Variants in ROBO2 observed in about 807,000 individuals in gnomAD.
ROBO2 encodes roundabout guidance receptor 2, also known as roundabout homolog 2.
ROBO2 carries 53 observed loss-of-function variants against 160.8 expected under a neutral mutation model. The ratio of observed to expected loss-of-function variants is 0.33; its 90% CI spans 0.26 to 0.41. ROBO2 has a LOEUF of 0.41. Among genes scored for constraint, ROBO2 ranks in the 10% least tolerant of loss-of-function variants. The pLI, the probability that ROBO2 is intolerant of heterozygous loss-of-function variation, is 1.00. For missense variants in ROBO2, 1,577 were observed against 1,722.4 expected (o/e 0.92, Z 1.49); for synonymous variants, 664 against 611.7 (o/e 1.09, Z -1.26).
chr3:76,114,901 A>G (rs1333434978), intron 2 of ROBO2, among the ~76,000 whole-genome samples: 1 of 152,056 alleles, frequency 6.6e-6, no homozygotes, highest in Non-Finnish European at 1.5e-5. Context: ...CTAAATGCAA[A>G]TTGTCTTGGG....
chr3:76,207,998 G>T (rs916105794), intron 2 of ROBO2, among the ~76,000 whole-genome samples: 10 of 152,138 alleles, frequency 6.6e-5, no homozygotes, highest in African/African-American at 2.4e-4. Flanking sequence ...AGATCTGGTT[G>T]TTTAAAAGTG....
intron 2 of ROBO2, among the ~76,000 whole-genome samples, chr3:77,427,104 G>A (rs924221523): frequency 1.3e-5 from 2 of 152,098 alleles, no homozygotes; most frequent in African/African-American, 2.4e-5. Context: ...TGGAATGTGC[G>A]GAATATGAGC....
chr3:76,824,931 T>A (rs567466513), intron 2 of ROBO2, among the ~76,000 whole-genome samples: 1 of 152,272 alleles, frequency 6.6e-6, no homozygotes, highest in African/African-American at 2.4e-5. Flanking sequence ...AAGCATGAAG[T>A]CACCTGCTGG....
intron 2 of ROBO2, among the ~76,000 whole-genome samples, chr3:76,463,300 AAGAG>A (rs2078184742): frequency 6.6e-6 from 1 of 152,056 alleles, no homozygotes; most frequent in Non-Finnish European, 1.5e-5. Context: ...CTTCCCTAGA[AAGAG>A]AGGTCGATTT....
rs1336791732 is a variant in ROBO2 at position 77,351,963 on chromosome 3, G to T, written c.389-125451G>T. Among the ~76,000 whole-genome samples, 5 of 151,824 alleles carry T rather than the reference G, an allele frequency of 3.3e-5. No individual in the cohort carries two copies. The East Asian group carries it at 9.8e-4, about 30-fold the overall frequency. ...GGACTGTTGTGGAGTGGGGGCAGGG[G>T]GGAGGGTGAGCATTAGGAGATATAC... On this transcript the variant is annotated intron_variant, in intron 2 of 25. Transcript: ENST00000461745.
intron 2 of ROBO2, among the ~76,000 whole-genome samples, chr3:76,146,807 C>T (rs961145462): frequency 6.5e-5 from 8 of 123,448 alleles, no homozygotes; most frequent in Non-Finnish European, 1.2e-4. Flanking sequence ...CCCAAGGTAA[C>T]TCTGTGGTAA....
intron 2 of ROBO2, among the ~76,000 whole-genome samples, chr3:76,696,383 T>C (rs111893000): frequency 0.038 from 1,246 of 32,586 alleles, 24 homozygotes; most frequent in African/African-American, 0.25. Flanking sequence ...ATGGATCTCT[T>C]TTTTTTTTTT....
At chr3:77,065,986 A>G (rs1018124533) in intron 1 of ROBO2, among the ~76,000 whole-genome samples, 3 of 152,112 alleles carry the variant, frequency 2.0e-5, no homozygotes, top group Non-Finnish European at 4.4e-5. Flanking sequence ...AGCCGAAGCT[A>G]TTTCTTACTA....
intron 1 of ROBO2, among the ~76,000 whole-genome samples, chr3:77,047,149 G>A (rs1406070449): frequency 6.6e-6 from 1 of 152,112 alleles, no homozygotes; most frequent in Admixed American, 6.5e-5. Context: ...CAGAAAAATG[G>A]CATGAAGATG....
intron 2 of ROBO2, among the ~76,000 whole-genome samples, chr3:77,000,402 C>T (rs531496278): frequency 1.2e-3 from 181 of 152,270 alleles, no homozygotes; most frequent in Non-Finnish European, 1.7e-3. Context: ...AGTCTGGATG[C>T]TTCTCCCTCA....
At chr3:76,391,502 C>T (rs12497629) in intron 2 of ROBO2, among the ~76,000 whole-genome samples, 10,811 of 149,692 alleles carry the variant, frequency 0.072, 887 homozygotes, top group East Asian at 0.39. Context: ...GTCATAACAT[C>T]TTCCTCATGA....
chr3:76,263,316 G>A (rs1025252093), intron 2 of ROBO2, among the ~76,000 whole-genome samples: 1 of 151,960 alleles, frequency 6.6e-6, no homozygotes, highest in Admixed American at 6.6e-5. Flanking sequence ...CTGCAGCTTG[G>A]AACTCCTGGG....
At chr3:76,269,266 G>T (rs1707282070) in intron 2 of ROBO2, among the ~76,000 whole-genome samples, 1 of 151,954 alleles carries the variant, frequency 6.6e-6, no homozygotes, top group East Asian at 1.9e-4. Flanking sequence ...GGATCAAAAC[G>T]TCTCATGTAC....
At chr3:76,219,309 G>A (rs1161986166) in intron 2 of ROBO2, among the ~76,000 whole-genome samples, 5 of 152,162 alleles carry the variant, frequency 3.3e-5, no homozygotes, top group Admixed American at 1.3e-4. Context: ...GGCAACAGAA[G>A]CCAAAATTGA....
chr3:77,389,359 A>G (rs936825290), intron 2 of ROBO2, among the ~76,000 whole-genome samples: 2 of 152,170 alleles, frequency 1.3e-5, no homozygotes, highest in Non-Finnish European at 2.9e-5. Flanking sequence ...AAAAAAATCC[A>G]GTTCCTCATT....
At chr3:76,543,547 C>G (rs555783876) in intron 2 of ROBO2, among the ~76,000 whole-genome samples, 9 of 152,176 alleles carry the variant, frequency 5.9e-5, no homozygotes, top group African/African-American at 1.9e-4. Flanking sequence ...GGCTCAGAGA[C>G]AAACAGCCTG....
chr3:77,414,957 AT>A (rs1305268453), intron 2 of ROBO2, among the ~76,000 whole-genome samples: 1 of 152,120 alleles, frequency 6.6e-6, no homozygotes, highest in African/African-American at 2.4e-5. Flanking sequence ...GCTCCTGAAG[AT>A]TATTAAGACT....
intron 2 of ROBO2, among the ~76,000 whole-genome samples, chr3:77,420,480 G>A (rs961312699): frequency 2.0e-5 from 3 of 152,036 alleles, no homozygotes; most frequent in African/African-American, 7.2e-5. Context: ...AATTTCCTGG[G>A]CACACATCCT....
At chr3:76,967,071 A>G (rs1052710024) in intron 2 of ROBO2, among the ~76,000 whole-genome samples, 1 of 152,152 alleles carries the variant, frequency 6.6e-6, no homozygotes, top group Non-Finnish European at 1.5e-5. Flanking sequence ...CAAATCTCAC[A>G]TCAAACTTGT....
Sources: gnomAD v4.1 joint callset for allele counts (sites outside exome capture counted in the v4.1 genomes callset) on GRCh38, gnomAD v4.1.1 for gene constraint, MANE v1.5 for transcripts, NCBI Gene and HGNC (gene_info 2026-07-23, HGNC 2026-07-21) for gene names.